The following CENPK variants were observed in gnomAD, a reference collection of about 807,000 sequenced individuals.
CENPK encodes the protein centromere protein K.
A neutral mutation model predicts 40.9 loss-of-function variants in CENPK; 46 were observed. The observed-to-expected ratio is 1.13, with a 90% CI of 0.89 to 1.44. The LOEUF is 1.44. Ranked by LOEUF, CENPK falls within the 40% of genes most tolerant of loss-of-function variation. The pLI is 0.00. For synonymous variants in CENPK, 107 were observed against 104.4 expected (o/e 1.02, Z -0.15); for missense variants, 288 against 303.5 (o/e 0.95, Z 0.38).
At chr5:65,534,317 T>C (rs1746481952) in intron 6 of CENPK, among the ~76,000 whole-genome samples, 1 of 152,274 alleles carries the variant, frequency 6.6e-6, no homozygotes, top group East Asian at 1.9e-4. Flanking sequence ...AATTAACCTA[T>C]GATTCAGGGA....
Position 65,518,378 on chromosome 5 carries a change from T to G in CENPK, c.*97A>C. 8.0e-7 allele frequency: 1 copy of G among 1,254,154 alleles called. No individual in the cohort carries two copies. Among genetic ancestry groups the G allele is most frequent in the Non-Finnish European group, 1.1e-6 (1 of 889,340 alleles). 77.7% of individuals were successfully genotyped at this position (1,254,154 alleles called of 1,614,324 possible). Reference sequence around the variant, plus strand: ...ATAAAAGTAAGATGGCCTATGCGCATTAATTTGCAAATAATGTTTTTTATC... The same window carrying G: ...ATAAAAGTAAGATGGCCTATGCGCAGTAATTTGCAAATAATGTTTTTTATC... On this transcript the variant is annotated 3_prime_UTR_variant, in exon 11 of 11. Transcript: ENST00000396679.
chr5:65,563,096 A>C lies in CENPK; in HGVS notation c.-142+2T>G, dbSNP rs1210097310. The C allele has an allele frequency of 1.8e-6, 1 of 550,550 alleles. No homozygotes were observed. Among genetic ancestry groups the C allele is most frequent in the East Asian group, 3.3e-5 (1 of 30,474 alleles). The allele number at this position is 550,550 out of a possible 1,614,324, so 34.1% of individuals were successfully genotyped here. ...TATCAACCTCCCCGGCCCAGGTCTT[A>C]CCATCACAGCGTCACAAACTCCAGG... is the stretch of plus-strand genomic sequence containing the variant. On this transcript the variant is annotated splice_donor_variant, in intron 1 of 10. Coordinates refer to ENST00000396679, the MANE Select transcript of CENPK (RefSeq NM_022145.5). LOFTEE classifies it low-confidence loss of function (5UTR_SPLICE).
At chr5:65,522,564 G>A (rs1018735516) in intron 9 of CENPK, among the ~76,000 whole-genome samples, 1 of 152,172 alleles carries the variant, frequency 6.6e-6, no homozygotes, top group Middle Eastern at 3.4e-3. Context: ...GAGTAGCTGG[G>A]ACTATAAGCA....
At chr5:65,503,305 C>T in the CENPK span, among the ~76,000 whole-genome samples, 1 of 152,076 alleles carries the variant, frequency 6.6e-6, no homozygotes, top group Non-Finnish European at 1.5e-5. Context: ...CGGGGTTTTG[C>T]CATGTTGGCC....
intron 5 of CENPK, 192 bp downstream of exon 5, chr5:65,551,367 CTAATG>C (rs976607819): frequency 1.2e-5 from 5 of 428,152 alleles, no homozygotes; most frequent in African/African-American, 6.3e-5. Flanking sequence ...TTATTATAAT[CTAATG>C]TAAGATATGT....
chr5:65,505,190 G>C, the CENPK span, among the ~76,000 whole-genome samples: 18 of 152,044 alleles, frequency 1.2e-4, no homozygotes, highest in Non-Finnish European at 2.4e-4. Context: ...TAATACTTTA[G>C]CTGGTTATGT....
intron 5 of CENPK, chr5:65,550,603 A>T (rs1236973136): frequency 1.3e-5 from 2 of 152,228 alleles, no homozygotes; most frequent in African/African-American, 4.8e-5. Flanking sequence ...TAATGACTTA[A>T]AAGTCTAAAA....
chr5:65,515,204 A>ATTTTTT (rs1554102335), downstream of CENPK, among the ~76,000 whole-genome samples: 566 of 124,012 alleles, frequency 4.6e-3, 12 homozygotes, highest in African/African-American at 0.016. Context: ...TCTCAAAAAA[A>ATTTTTT]TTTTTTTTTT....
intron 2 of CENPK, among the ~76,000 whole-genome samples, chr5:65,559,793 T>C (rs904878297): frequency 1.3e-5 from 2 of 152,112 alleles, no homozygotes; most frequent in Non-Finnish European, 2.9e-5. Context: ...ACAAAGCCTT[T>C]CTTGACTTTC....
At position 65,529,321 on chromosome 5, in the gene CENPK, T is replaced by C. The variant is rs984504572; in HGVS notation, c.289-122A>G. The stretch of plus-strand genomic sequence containing the variant: ...TTCAGACATCAGTAGTGAAAAAGCC[T>C]AGCAGAAAGCATTTGAAAAGGTAAA... On this transcript the variant is annotated intron_variant, in intron 6 of 10. Transcript: ENST00000396679. The C allele has an allele frequency of 4.7e-6, 3 of 642,026 alleles. No homozygotes were observed. The Admixed American group carries it at 9.5e-5, about 20-fold the overall frequency. The allele number at this position is 642,026 out of a possible 1,614,324, so 39.8% of individuals were successfully genotyped here.
chr5:65,548,977 T>G (rs895220353), intron 5 of CENPK, among the ~76,000 whole-genome samples: 4 of 152,174 alleles, frequency 2.6e-5, no homozygotes, highest in African/African-American at 4.8e-5. Flanking sequence ...GGGGGATACT[T>G]TCCAGAAGGT....
At chr5:65,536,027 C>T (rs562902130) in intron 6 of CENPK, among the ~76,000 whole-genome samples, 1 of 152,242 alleles carries the variant, frequency 6.6e-6, no homozygotes, top group Non-Finnish European at 1.5e-5. Context: ...ATGATAGAAC[C>T]AGCTCCTGTA....
chr5:65,555,854 C>T (rs1194194100), intron 2 of CENPK, among the ~76,000 whole-genome samples: 5 of 152,226 alleles, frequency 3.3e-5, no homozygotes, highest in Non-Finnish European at 2.9e-5. Flanking sequence ...GGATATGCTA[C>T]ATTTGAGGTG....
At chr5:65,536,471 TAA>T (rs1250697945) in intron 6 of CENPK, among the ~76,000 whole-genome samples, 1 of 151,686 alleles carries the variant, frequency 6.6e-6, no homozygotes, top group Non-Finnish European at 1.5e-5. Context: ...AAATAAAAAA[TAA>T]AAAAATTAGC....
rs1745270621 is a variant in CENPK, at chr5:65,529,108, T to C, written c.371+9A>G. The C allele has an allele frequency of 6.3e-7, 1 of 1,588,704 alleles. No homozygotes were observed. Among genetic ancestry groups the C allele is most frequent in the Admixed American group, 1.7e-5 (1 of 59,154 alleles). On this transcript the variant is annotated intron_variant, in intron 7 of 10. Coordinates refer to ENST00000396679, the MANE Select transcript of CENPK (RefSeq NM_022145.5). ...TGAATGATTAATAGTAATTGTAACA[T>C]AAACAAACCTTTCTAAGTCTTCCTT...
Position 65,518,304 on chromosome 5 carries a change from A to G in CENPK, c.*171T>C. ...ACACTAAAGCACTCACTGAATAAGA[A>G]ATGACCATTTAAAAATGAATAATAG... is the stretch of plus-strand genomic sequence containing the variant. On this transcript the variant is annotated 3_prime_UTR_variant, in exon 11 of 11. Transcript: ENST00000396679. 1.6e-6 allele frequency: 1 copy of G among 612,320 alleles called. No individual in the cohort carries two copies. Among genetic ancestry groups the G allele is most frequent in the South Asian group, 2.1e-5 (1 of 46,566 alleles). The allele number at this position is 612,320 out of a possible 1,614,324, so 37.9% of individuals were successfully genotyped here.
the CENPK span, among the ~76,000 whole-genome samples, chr5:65,506,329 G>C: frequency 6.7e-6 from 1 of 149,872 alleles, no homozygotes; most frequent in South Asian, 2.1e-4. Flanking sequence ...TCCAGCCTTT[G>C]CAACAGTGAG....
rs369714855 is a variant in CENPK at position 65,551,387 on chromosome 5, CA to C, written c.241+176del. Reference sequence around the variant, plus strand: ...ATAATCTAATGTAAGATATGTTTATCAATAATAATAAAAGAAGTACAAAATA... The same window carrying C: ...ATAATCTAATGTAAGATATGTTTATCATAATAATAAAAGAAGTACAAAATA... On this transcript the variant is annotated intron_variant, in intron 5 of 10. Coordinates refer to ENST00000396679, the MANE Select transcript of CENPK (RefSeq NM_022145.5). 202 of 490,954 alleles carry C rather than the reference CA, an allele frequency of 4.1e-4. 7 individuals are homozygous for C. The highest frequency in any genetic ancestry group is 3.9e-3 in the East Asian group (108 of 27,914). The allele number at this position is 490,954 out of a possible 1,614,324, so 30.4% of individuals were successfully genotyped here.
chr5:65,511,815 C>G, the CENPK span, among the ~76,000 whole-genome samples: 61,833 of 152,008 alleles, frequency 0.41, 12,940 homozygotes, highest in East Asian at 0.65. Context: ...CCCCCCAGCC[C>G]CACTCTGGGT....
Sources: allele counts gnomAD v4.1 joint callset (sites outside exome capture counted in the v4.1 genomes callset), GRCh38; gene constraint gnomAD v4.1.1; transcripts MANE v1.5; gene names NCBI Gene and HGNC (gene_info 2026-07-23, HGNC 2026-07-21).